The following PCSK5 variants were observed in gnomAD, a reference collection of about 807,000 sequenced individuals.
PCSK5 encodes proprotein convertase subtilisin/kexin type 5, also known as prohormone convertase 5.
In PCSK5, 129 loss-of-function variants were observed where a neutral mutation model predicts 233.2. The observed-to-expected ratio is 0.55, with a 90% CI of 0.48 to 0.64. The LOEUF is 0.64. Ranked by LOEUF, PCSK5 falls within the 30% of genes least tolerant of loss-of-function variation. The probability of loss-of-function intolerance (pLI) is 0.00; values close to 1 mark genes in which losing one functional copy is unlikely to be tolerated. For synonymous variants in PCSK5, 825 were observed against 879.2 expected, an observed-to-expected ratio of 0.94 and a Z score of 1.09; for missense variants, 2,076 against 2,430.1, an observed-to-expected ratio of 0.85 and a Z score of 3.06.
At chr9:76,224,439 AC>A (rs1825820744) in intron 20 of PCSK5, among the ~76,000 whole-genome samples, 1 of 152,054 alleles carries the variant, frequency 6.6e-6, no homozygotes, top group African/African-American at 2.4e-5. Flanking sequence ...AGCCAAGGGA[AC>A]TCAGACATCT....
chr9:75,967,619 G>T (rs1298709574), intron 2 of PCSK5, among the ~76,000 whole-genome samples: 1 of 152,204 alleles, frequency 6.6e-6, no homozygotes, highest in Non-Finnish European at 1.5e-5. Context: ...AGTGGTAAGA[G>T]CATGCTAAAG....
At chr9:76,292,353 T>C (rs1328433970) in intron 25 of PCSK5, 78 bp downstream of exon 25, 8 of 944,830 alleles carry the variant, frequency 8.5e-6, no homozygotes, top group African/African-American at 3.2e-5. Flanking sequence ...AATCCAGCGA[T>C]TAAAGCAAAG....
chr9:76,168,286 G>T (rs891474524), intron 12 of PCSK5, among the ~76,000 whole-genome samples: 1 of 152,078 alleles, frequency 6.6e-6, no homozygotes, highest in Non-Finnish European at 1.5e-5. Context: ...TGAGTAGTGG[G>T]ACTACAGGTA....
rs60451634 is a variant in PCSK5 at position 76,323,932 on chromosome 9, A to ATTTTTTTTTT, written c.4339+651_4339+660dup. On this transcript the variant is annotated intron_variant, in intron 32 of 37. Coordinates refer to ENST00000674117, the MANE Select transcript of PCSK5 (RefSeq NM_001372043.1). ...TGCCTCTTGTCTCCCTTCCTGGGTG[A>ATTTTTTTTTT]TTTTTTTTTTTTTTTTGAGACAGAG... Among the ~76,000 whole-genome samples, 8 of 139,404 alleles carry ATTTTTTTTTT rather than the reference A, an allele frequency of 5.7e-5. 3 individuals carry two copies. Among genetic ancestry groups the ATTTTTTTTTT allele is most frequent in the Non-Finnish European group, 9.2e-5 (6 of 65,108 alleles). 91.5% of individuals were successfully genotyped at this position (139,404 alleles called of 152,430 possible). A position where few individuals can be genotyped will look rare whatever the true frequency, so the allele number is the denominator to read the frequency against.
At position 75,891,363 on chromosome 9, in the gene PCSK5, A is replaced by C; in HGVS notation, c.182A>C (p.Asn61Thr). Residue 61 changes from asparagine to threonine, a missense_variant, in exon 1 of 38, where the codon AAC becomes ACC. This residue lies in a region of PCSK5 where 190 missense variants were observed against 216.3 expected (regional missense o/e 0.88). Coordinates refer to ENST00000674117, the MANE Select transcript of PCSK5 (RefSeq NM_001372043.1). The part of the protein sequence containing the change: ...NRIASKYGFI[N>T]IGQIGALKDY... ...ATCGCCAGCAAGTACGGATTCATCAACATAGGACAGGTAACGAACTACAGG... is the reference window on the plus strand; with the variant it reads ...ATCGCCAGCAAGTACGGATTCATCACCATAGGACAGGTAACGAACTACAGG... 1 of 1,555,818 alleles carries C rather than the reference A, an allele frequency of 6.4e-7. No homozygotes were observed. Among genetic ancestry groups the C allele is most frequent in the Non-Finnish European group, 8.7e-7 (1 of 1,155,936 alleles).
chr9:76,301,469 G>A (rs1223697499), intron 27 of PCSK5, among the ~76,000 whole-genome samples: 3 of 152,050 alleles, frequency 2.0e-5, no homozygotes, highest in East Asian at 1.9e-4. Context: ...AAAAAGAGAA[G>A]GGAACAATCT....
chr9:76,093,080 C>CTTTTTTT (rs71372045), intron 7 of PCSK5, among the ~76,000 whole-genome samples: 8 of 85,664 alleles, frequency 9.3e-5, no homozygotes, highest in Admixed American at 4.8e-4. Context: ...TTGTCTTTCC[C>CTTTTTTT]TTTTTTTTTT....
At chr9:76,100,100 TACTTCTAGC>T (rs1831694281) in intron 8 of PCSK5, among the ~76,000 whole-genome samples, 1 of 152,222 alleles carries the variant, frequency 6.6e-6, no homozygotes, top group South Asian at 2.1e-4. Context: ...TTCCTGCCAT[TACTTCTAGC>T]ACAGTTGTGG....
intron 9 of PCSK5, among the ~76,000 whole-genome samples, chr9:76,111,795 T>A (rs971837805): frequency 2.0e-5 from 3 of 152,180 alleles, no homozygotes; most frequent in Non-Finnish European, 2.9e-5. Context: ...AATTTTAGCT[T>A]AGCAACCTGG....
intron 33 of PCSK5, among the ~76,000 whole-genome samples, chr9:76,329,960 T>G (rs1472526969): frequency 6.6e-6 from 1 of 152,168 alleles, no homozygotes; most frequent in Non-Finnish European, 1.5e-5. Context: ...TGTTGTATCC[T>G]CCGAGAGTCA....
rs538505723 is a variant in PCSK5, at chr9:76,216,138, G to A, written c.2627-11365G>A. On this transcript the variant is annotated intron_variant, in intron 20 of 37. Coordinates refer to ENST00000674117, the MANE Select transcript of PCSK5 (RefSeq NM_001372043.1). ...CCTCCTCTGTCCTCTACATGACTCC[G>A]CAGGACTTCTCTGTAGGACTAGGCT... Among the ~76,000 whole-genome samples, 5 of 152,104 alleles carry A rather than the reference G, an allele frequency of 3.3e-5. No homozygotes were observed. The South Asian group carries it at 1.0e-3, about 32-fold the overall frequency.
rs1042042593 is a variant in PCSK5, at chr9:76,136,263, C to A, written c.1312+2051C>A. On this transcript the variant is annotated intron_variant, in intron 10 of 37. Transcript: ENST00000674117. ...AGTTATTCTCTACTCTAAACGTTAC[C>A]ATCCCCTCCCTAGAGTCCCACAGAT... Among the ~76,000 whole-genome samples, 10 of 151,910 alleles carry A rather than the reference C, an allele frequency of 6.6e-5. No individual in the cohort carries two copies. In the East Asian group the frequency reaches 1.9e-3, roughly 29 times the overall value.
chr9:76,242,528 C>T (rs924489369), intron 24 of PCSK5, among the ~76,000 whole-genome samples: 2 of 151,924 alleles, frequency 1.3e-5, no homozygotes, highest in African/African-American at 4.8e-5. Context: ...ATGCTAATTA[C>T]CTGGGAAGCA....
chr9:76,335,312 G>T (rs1159328162), intron 34 of PCSK5, among the ~76,000 whole-genome samples: 3 of 152,180 alleles, frequency 2.0e-5, no homozygotes, highest in Admixed American at 6.5e-5. Context: ...GGGCTGGTGG[G>T]GGGAGGCACA....
At chr9:76,206,491 G>C (rs532993514) in intron 20 of PCSK5, among the ~76,000 whole-genome samples, 1 of 152,136 alleles carries the variant, frequency 6.6e-6, no homozygotes, top group Non-Finnish European at 1.5e-5. Context: ...CCAGGCTGCC[G>C]GTGCAACTCT....
intron 22 of PCSK5, among the ~76,000 whole-genome samples, chr9:76,234,535 G>T (rs2131320815): frequency 6.6e-6 from 1 of 152,288 alleles, no homozygotes; most frequent in African/African-American, 2.4e-5. Context: ...CCAGGCATTT[G>T]CAGGAGATCA....
At position 76,072,731 on chromosome 9, in the gene PCSK5, C is replaced by A. The variant is rs147227309; in HGVS notation, c.894+833C>A. On this transcript the variant is annotated intron_variant, in intron 7 of 37. Transcript: ENST00000674117. The stretch of plus-strand genomic sequence containing the variant: ...CGTGCTCCACTCCTATCCATCAGCA[C>A]AGAACGCTTTCCTTGTTCCTCCTGC... Among the ~76,000 whole-genome samples the A allele has an allele frequency of 7.1e-3, 1,079 of 152,288 alleles. 16 individuals are homozygous for A. Among genetic ancestry groups the A allele is most frequent in the African/African-American group, 0.022 (932 of 41,550 alleles).
intron 13 of PCSK5, among the ~76,000 whole-genome samples, chr9:76,174,473 AT>A (rs918756961): frequency 3.4e-5 from 5 of 148,394 alleles, no homozygotes; most frequent in Admixed American, 6.7e-5. Flanking sequence ...CGCCCAGCTA[AT>A]TTTTTTTTTG....
intron 2 of PCSK5, among the ~76,000 whole-genome samples, chr9:75,970,788 AT>A (rs1045650241): frequency 6.6e-6 from 1 of 151,716 alleles, no homozygotes; most frequent in South Asian, 2.1e-4. Context: ...CGCCTGGTTA[AT>A]TTTTTTGTAT....
Sources: gnomAD v4.1 joint callset for allele counts (sites outside exome capture counted in the v4.1 genomes callset) on GRCh38, gnomAD v4.1.1 for gene constraint, gnomAD v4.1.1 regional missense constraint, MANE v1.5 for transcripts, NCBI Gene and HGNC (gene_info 2026-07-23, HGNC 2026-07-21) for gene names.